Variants in RPS20 observed in about 807,000 individuals in gnomAD.
The protein encoded by RPS20 is small ribosomal subunit protein uS10.
RPS20 carries 3 observed loss-of-function variants against 15.3 expected under a neutral mutation model. That is an observed-to-expected ratio of 0.20 (90% CI 0.09 to 0.51). The LOEUF (loss-of-function observed/expected upper bound fraction) is 0.51, where lower values mean the gene tolerates loss of function less well. RPS20 is among the 20% of genes least tolerant of loss of function. The probability of loss-of-function intolerance (pLI) is 0.96; values close to 1 mark genes in which losing one functional copy is unlikely to be tolerated. For synonymous variants in RPS20, 62 were observed against 47.8 expected, an observed-to-expected ratio of 1.30 and a Z score of -1.23; for missense variants, 67 against 145.9, an observed-to-expected ratio of 0.46 and a Z score of 2.79.
downstream of RPS20, chr8:56,072,948 A>G (rs1809806421): frequency 7.0e-7 from 1 of 1,419,524 alleles, no homozygotes. Context: ...AAAACAGGAT[A>G]GACCACTCTA....
Position 56,074,169 on chromosome 8 carries a change from G to T in RPS20, c.4-10C>A, listed in dbSNP as rs758269117. The T allele has an allele frequency of 8.7e-6, 14 of 1,605,622 alleles. No homozygotes were observed. The Admixed American group carries it at 1.8e-4, about 21-fold the overall frequency. On this transcript the variant is annotated splice_polypyrimidine_tract_variant and intron_variant, in intron 1 of 3. Transcript: ENST00000009589. ...CGGTATCCTTAAAAGCCTATTATTA[G>T]ATACATGAAAAAGAACAATAAGCCA...
Position 56,074,490 on chromosome 8 carries a change from G to T in RPS20, c.-107C>A, listed in dbSNP as rs745520742. 2 of 1,260,576 alleles carry T rather than the reference G, an allele frequency of 1.6e-6. No individual in the cohort carries two copies. Among genetic ancestry groups the T allele is most frequent in the Non-Finnish European group, 2.2e-6 (2 of 913,100 alleles). 78.1% of individuals were successfully genotyped at this position (1,260,576 alleles called of 1,614,324 possible). ...CCAAAAATCCTCAGCCCTTACGACCGCGTCTTCCTCAAAAAGAAAGGGGTG... is the reference window on the plus strand; with the variant it reads ...CCAAAAATCCTCAGCCCTTACGACCTCGTCTTCCTCAAAAAGAAAGGGGTG... On this transcript the variant is annotated 5_prime_UTR_variant, in exon 1 of 4. Transcript: ENST00000009589.
downstream of RPS20, among the ~76,000 whole-genome samples, chr8:56,071,853 A>C (rs1809764947): frequency 6.6e-6 from 1 of 152,242 alleles, no homozygotes; most frequent in Admixed American, 6.5e-5. Context: ...TTCTGAAGGC[A>C]ATCTTAACAA....
intron 3 of RPS20, 54 bp from the exon 4 acceptor site, chr8:56,073,326 G>T: frequency 2.7e-6 from 3 of 1,103,814 alleles, no homozygotes; most frequent in Non-Finnish European, 2.7e-6. Context: ...CTTATCCCTA[G>T]AACATCTGGA....
At chr8:56,068,803 A>ATTTTTTT (rs1563345604), downstream of RPS20, among the ~76,000 whole-genome samples, 3 of 92,608 alleles carry the variant, frequency 3.2e-5, no homozygotes, top group Non-Finnish European at 4.4e-5. Flanking sequence ...CTTGGTGAAA[A>ATTTTTTT]TATCTTTTTT....
intron 3 of RPS20, 49 bp from the exon 4 acceptor site, chr8:56,073,321 C>A: frequency 3.4e-6 from 4 of 1,168,230 alleles, no homozygotes; most frequent in Non-Finnish European, 5.1e-6. Context: ...TTATACTTAT[C>A]CCTAGAACAT....
chr8:56,071,607 T>C (rs1186360540), downstream of RPS20, among the ~76,000 whole-genome samples: 2 of 152,136 alleles, frequency 1.3e-5, no homozygotes, highest in South Asian at 2.1e-4. Context: ...CAGTAGACAA[T>C]GGATTCAGAC....
downstream of RPS20, among the ~76,000 whole-genome samples, chr8:56,070,433 CAT>C (rs1809720477): frequency 6.6e-6 from 1 of 152,154 alleles, no homozygotes; most frequent in Non-Finnish European, 1.5e-5. Context: ...CTACGGATGT[CAT>C]GTGAAGAAAT....
chr8:56,068,736 G>C (rs1563345565), downstream of RPS20, among the ~76,000 whole-genome samples: 1 of 143,910 alleles, frequency 6.9e-6, no homozygotes, highest in East Asian at 2.1e-4. Context: ...AATGTGCACA[G>C]TTGCTTGAAA....
At chr8:56,073,827 T>G in intron 2 of RPS20, 59 bp from the exon 3 acceptor site, 1 of 1,462,866 alleles carries the variant, frequency 6.8e-7, no homozygotes, top group Non-Finnish European at 9.6e-7. Context: ...GCTTAAGGCC[T>G]TCACTTCTGC....
At chr8:56,073,000 T>C (rs1809808547), downstream of RPS20, 3 of 1,516,268 alleles carry the variant, frequency 2.0e-6, no homozygotes, top group Non-Finnish European at 2.6e-6. Context: ...AGTCTCATAG[T>C]ACACCTTTAT....
In RPS20 at chr8:56,073,713, T is replaced by C. The variant is rs1259130093; in HGVS notation, c.159A>G (p.Pro53=). The C allele has an allele frequency of 6.2e-7, 1 of 1,614,060 alleles. No individual in the cohort carries two copies. The highest frequency in any genetic ancestry group is 1.1e-5 in the South Asian group (1 of 91,084). The change falls in exon 3 of 4, where the codon CCA becomes CCG. Residue 53 remains proline, a synonymous_variant. Coordinates refer to ENST00000009589, the MANE Select transcript of RPS20 (RefSeq NM_001023.4). ...ACTTTACCTTGGTAGGCATTCGAACTGGTCCTTTCACTTTGAGATTCTTTT... is the reference window on the plus strand; with the variant it reads ...ACTTTACCTTGGTAGGCATTCGAACCGGTCCTTTCACTTTGAGATTCTTTT... ...AKEKNLKVKG[P]VRMPTKTLRI... is the part of the protein sequence containing the mutation.
chr8:56,067,831 AAAAG>A (rs1809653076), exon 6 of RPS20: 1 of 152,212 alleles, frequency 6.6e-6, no homozygotes, highest in African/African-American at 2.4e-5. Flanking sequence ...AACTCACAGA[AAAAG>A]AAAGTAAAAT....
downstream of RPS20, among the ~76,000 whole-genome samples, chr8:56,072,163 G>A (rs1035782034): frequency 4.6e-5 from 7 of 151,970 alleles, no homozygotes; most frequent in East Asian, 1.3e-3. Context: ...CATGAGCCCA[G>A]GTCAAGGCTG....
At chr8:56,070,794 C>T (rs941370161), downstream of RPS20, among the ~76,000 whole-genome samples, 36 of 151,950 alleles carry the variant, frequency 2.4e-4, no homozygotes, top group African/African-American at 8.7e-4. Context: ...GGTTTCTGTT[C>T]CCTTGGTTAT....
downstream of RPS20, chr8:56,072,689 T>C (rs761064168): frequency 2.4e-5 from 4 of 167,396 alleles, no homozygotes; most frequent in Non-Finnish European, 4.5e-5. Flanking sequence ...AATCCTTTTT[T>C]AAGGACGTTA....
intron 2 of RPS20, 61 bp downstream of exon 2, chr8:56,073,999 G>C (rs887652331): frequency 4.6e-6 from 6 of 1,318,220 alleles, no homozygotes; most frequent in Non-Finnish European, 6.6e-6. Context: ...TAACATTAAC[G>C]AGTAAAGCTC....
chr8:56,072,913 T>C (rs994908043), downstream of RPS20: 18 of 1,358,070 alleles, frequency 1.3e-5, no homozygotes, highest in African/African-American at 1.9e-4. Context: ...CGGAATCCAG[T>C]TTTCAAATGA....
chr8:56,072,294 G>A (rs1052942235), downstream of RPS20, among the ~76,000 whole-genome samples: 2 of 152,066 alleles, frequency 1.3e-5, no homozygotes, highest in Admixed American at 6.6e-5. Flanking sequence ...GCTCATGCCT[G>A]TAATCCCAGC....
Sources: gnomAD v4.1 joint callset for allele counts (sites outside exome capture counted in the v4.1 genomes callset) on GRCh38, gnomAD v4.1.1 for gene constraint, MANE v1.5 for transcripts, NCBI Gene and HGNC (gene_info 2026-07-23, HGNC 2026-07-21) for gene names.